Variants in PHC2 observed in about 807,000 individuals in gnomAD.
PHC2 encodes polyhomeotic-like protein 2.
A neutral mutation model predicts 87.4 loss-of-function variants in PHC2; 29 were observed. That is an observed-to-expected ratio of 0.33 (90% CI 0.25 to 0.45). PHC2 has a LOEUF of 0.45. PHC2 is among the 20% of genes least tolerant of loss of function. The pLI is 1.00. For missense variants in PHC2, 857 were observed against 1,136.7 expected (o/e 0.75, Z 3.54); for synonymous variants, 438 against 461.7 (o/e 0.95, Z 0.66).
In PHC2 at chr1:33,349,095, T is replaced by C; in HGVS notation, c.1558+5306A>G. ...AGGAGAGAAAACGCTCTTCTAAAAA[T>C]GGAAGAAAAGACACAGAACAGCTTG... On this transcript the variant is annotated intron_variant, in intron 9 of 14. Transcript: ENST00000683057. This position sits in a 1 kb window ranked among gnomAD's most constrained non-coding sequence, Gnocchi z 4.2. 7 of 985,384 alleles carry C rather than the reference T, an allele frequency of 7.1e-6. No homozygotes were observed. Among genetic ancestry groups the C allele is most frequent in the Middle Eastern group, 5.2e-4 (1 of 1,914 alleles). The allele number at this position is 985,384 out of a possible 1,614,324, so 61.0% of individuals were successfully genotyped here.
At chr1:33,357,479 C>T (rs907206450) in intron 7 of PHC2, among the ~76,000 whole-genome samples, 2 of 152,132 alleles carry the variant, frequency 1.3e-5, no homozygotes, top group Non-Finnish European at 2.9e-5. Flanking sequence ...GACTGACTGT[C>T]GTAGTCAGAG....
At chr1:33,416,584 G>GAAAAAAAAAA (rs61591207) in intron 1 of PHC2, among the ~76,000 whole-genome samples, 7 of 115,842 alleles carry the variant, frequency 6.0e-5, no homozygotes, top group Admixed American at 1.0e-4. Flanking sequence ...TCAAAAAAAA[G>GAAAAAAAAAA]AAAAAAAAAA....
intron 7 of PHC2, among the ~76,000 whole-genome samples, chr1:33,356,501 A>G (rs1306671120): frequency 1.3e-5 from 2 of 150,724 alleles, no homozygotes; most frequent in Non-Finnish European, 3.0e-5. Flanking sequence ...ACTCTTAACG[A>G]GCATGCTGCC....
At chr1:33,414,341 C>G (rs1650118792) in intron 1 of PHC2, among the ~76,000 whole-genome samples, 1 of 152,124 alleles carries the variant, frequency 6.6e-6, no homozygotes. Context: ...AATCCTAATT[C>G]TGGGGTCAGA....
At chr1:33,386,373 G>C (rs568461345) in intron 1 of PHC2, among the ~76,000 whole-genome samples, 2 of 151,556 alleles carry the variant, frequency 1.3e-5, no homozygotes, top group Middle Eastern at 3.4e-3. Context: ...AAAATTAGCC[G>C]GCCGTGGTAG....
intron 7 of PHC2, among the ~76,000 whole-genome samples, chr1:33,362,658 C>A (rs6680310): frequency 0.28 from 42,789 of 152,176 alleles, 6,833 homozygotes; most frequent in Admixed American, 0.44. Flanking sequence ...AGGAGGGTCC[C>A]GCTTACACAC....
At position 33,330,179 on chromosome 1, in the gene PHC2, A is replaced by G. The variant is rs1646460015; in HGVS notation, c.2040T>C (p.Leu680=). The G allele has an allele frequency of 1.2e-6, 2 of 1,614,080 alleles. No homozygotes were observed. Among genetic ancestry groups the G allele is most frequent in the South Asian group, 1.1e-5 (1 of 91,090 alleles). Reference sequence around the variant, plus strand: ...GCAGCTTGCTCCGGTCTGAGTGGAAAAGTCCCACCCGTTTGGTGCATCCCA... The same window carrying G: ...GCAGCTTGCTCCGGTCTGAGTGGAAGAGTCCCACCCGTTTGGTGCATCCCA... ...YNVGCTKRVG[L]FHSDRSKLQK... Residue 680 remains leucine, a synonymous_variant, in exon 13 of 15, where the codon CTT becomes CTC. Transcript: ENST00000683057.
At position 33,331,321 on chromosome 1, in the gene PHC2, G is replaced by A. The variant is rs2148196830; in HGVS notation, c.2006+27C>T. 1 of 1,262,642 alleles carries A rather than the reference G, an allele frequency of 7.9e-7. No homozygotes were observed. The highest frequency in any genetic ancestry group is 1.2e-5 in the South Asian group (1 of 83,040). 78.2% of individuals were successfully genotyped at this position (1,262,642 alleles called of 1,614,324 possible). The stretch of plus-strand genomic sequence containing the variant: ...GTGGGACATAAAGTGCAGTCCTGGG[G>A]AAATGGAGGGGGCTGGGGCCACTCA... On this transcript the variant is annotated intron_variant, in intron 12 of 14. Coordinates refer to ENST00000683057, the MANE Select transcript of PHC2 (RefSeq NM_001385109.1). This position sits in a 1 kb window ranked among gnomAD's most constrained non-coding sequence, Gnocchi z 5.2.
At chr1:33,362,948 C>T (rs961670221) in intron 7 of PHC2, 1 of 152,188 alleles carries the variant, frequency 6.6e-6, no homozygotes, top group Non-Finnish European at 1.5e-5. Flanking sequence ...CTGAGCCATA[C>T]CTCTTTCATT....
chr1:33,363,186 G>GT (rs1647248363), intron 7 of PHC2: 2 of 152,172 alleles, frequency 1.3e-5, no homozygotes, highest in African/African-American at 4.8e-5. Context: ...TCACACATAC[G>GT]TGCACACAGG....
rs1448231628 is a variant in PHC2 at position 33,368,575 on chromosome 1, G to A, written c.624C>T (p.Leu208=). 6.5e-7 allele frequency: 1 copy of A among 1,549,842 alleles called. No homozygotes were observed. The highest frequency in any genetic ancestry group is 8.7e-7 in the Non-Finnish European group (1 of 1,146,164). ...GGGGCCGGGCGGGGGAGCCAGTGCC[G>A]AGCTCAGGCTGCACAGTAGCGACGG... ...TATVATVQPE[L]GTGSPARPPT... is the part of the protein sequence containing the mutation. Residue 208 remains leucine (L), a synonymous_variant, in exon 6 of 15, where the codon CTC becomes CTT. Transcript: ENST00000683057. This position sits in a 1 kb window ranked among gnomAD's most constrained non-coding sequence, Gnocchi z 6.6.
At position 33,372,352 on chromosome 1, in the gene PHC2, G is replaced by A. The variant is rs145356735; in HGVS notation, c.270C>T (p.Thr90=). ...AAQQQHLMLQ[T]AALQQQHLSS... ...TGAGGTGCTGCTGCTGGAGCGCCGC[G>A]GTCTGCAGCATGAGGTGCTGCTGCT... is the stretch of plus-strand genomic sequence containing the variant. Residue 90 remains threonine, a synonymous_variant, in exon 3 of 15, where the codon ACC becomes ACT. Coordinates refer to ENST00000683057, the MANE Select transcript of PHC2 (RefSeq NM_001385109.1). The A allele has an allele frequency of 8.2e-5, 132 of 1,604,720 alleles. No homozygotes were observed. The highest frequency in any genetic ancestry group is 1.1e-4 in the African/African-American group (8 of 74,604).
chr1:33,336,458 G>GT (rs61642042), intron 9 of PHC2: 149,750 of 152,180 alleles, frequency 0.98, 73,735 homozygotes, highest in Middle Eastern at 1. Flanking sequence ...GACCAATGAA[G>GT]TTTTTTTTGT....
chr1:33,421,676 A>G (rs997553240), intron 1 of PHC2, among the ~76,000 whole-genome samples: 1 of 152,220 alleles, frequency 6.6e-6, no homozygotes, highest in African/African-American at 2.4e-5. Flanking sequence ...CAACTCCAAG[A>G]CATGGGTGGT....
At chr1:33,379,289 C>A (rs1302572640) in intron 1 of PHC2, among the ~76,000 whole-genome samples, 24 of 106,064 alleles carry the variant, frequency 2.3e-4, no homozygotes, top group Admixed American at 9.3e-5. Context: ...TCTCCCCGCC[C>A]ACCGCCCCCC....
intron 9 of PHC2, chr1:33,347,568 G>C: frequency 1.0e-6 from 1 of 985,352 alleles, no homozygotes; most frequent in Non-Finnish European, 1.2e-6. Context: ...AACAGTTTGG[G>C]GGAAAAAAGA....
At chr1:33,359,363 A>G (rs1203414595) in intron 7 of PHC2, among the ~76,000 whole-genome samples, 5 of 152,228 alleles carry the variant, frequency 3.3e-5, no homozygotes, top group Non-Finnish European at 7.3e-5. Context: ...TTATAGTTAC[A>G]GGACTACTTA....
intron 9 of PHC2, among the ~76,000 whole-genome samples, chr1:33,340,530 G>A (rs1485089864): frequency 2.0e-5 from 3 of 152,230 alleles, no homozygotes; most frequent in Non-Finnish European, 2.9e-5. Context: ...CTGCAGTGCG[G>A]TAAGCTGAGG....
intron 1 of PHC2, among the ~76,000 whole-genome samples, chr1:33,378,067 T>C (rs1427295931): frequency 6.6e-6 from 1 of 152,252 alleles, no homozygotes; most frequent in Non-Finnish European, 1.5e-5. Context: ...TGTCCATGAA[T>C]TAATTCCCTT....
Sources: gnomAD v4.1 joint callset for allele counts (sites outside exome capture counted in the v4.1 genomes callset) on GRCh38, gnomAD v4.1.1 for gene constraint, Gnocchi (gnomAD v3.1) non-coding constraint, MANE v1.5 for transcripts, NCBI Gene and HGNC (gene_info 2026-07-23, HGNC 2026-07-21) for gene names.